ATL1: variants seen among roughly 807,000 people sequenced by gnomAD.
ATL1 encodes atlastin GTPase 1.
A neutral mutation model predicts 75.5 loss-of-function variants in ATL1; 31 were observed. The ratio of observed to expected loss-of-function variants is 0.41; its 90% CI spans 0.31 to 0.55. The LOEUF (loss-of-function observed/expected upper bound fraction) is 0.55, where lower values mean the gene tolerates loss of function less well. Among genes scored for constraint, ATL1 ranks in the 20% least tolerant of loss-of-function variants. The pLI is 0.27. For missense variants in ATL1, 405 were observed against 662.6 expected (o/e 0.61, Z 4.27); for synonymous variants, 226 against 233.3 (o/e 0.97, Z 0.28).
rs557081670 is a variant in ATL1, at chr14:50,606,303, TTTTAAAAGTATA to T, written c.631-6951_631-6940del. Among the ~76,000 whole-genome samples, 158 of 152,128 alleles carry T rather than the reference TTTTAAAAGTATA, an allele frequency of 1.0e-3. 1 individual carries two copies. The highest frequency in any genetic ancestry group is 3.6e-3 in the African/African-American group (149 of 41,530). The stretch of plus-strand genomic sequence containing the variant: ...CATAATGGCCACAGTTATTCTCATT[TTTTAAAAGTATA>T]TTTACTATTATTGATACAAAAATTA... On this transcript the variant is annotated intron_variant, in intron 6 of 13. Transcript: ENST00000358385.
intron 1 of ATL1, among the ~76,000 whole-genome samples, chr14:50,549,475 T>C (rs2038675277): frequency 6.6e-6 from 1 of 152,184 alleles, no homozygotes; most frequent in Admixed American, 6.5e-5. Flanking sequence ...GTCAATTGTA[T>C]TGGTCCTGTG....
At chr14:50,623,341 A>C in intron 11 of ATL1, 93 bp downstream of exon 11, 2 of 970,392 alleles carry the variant, frequency 2.1e-6, no homozygotes, top group Non-Finnish European at 3.2e-6. Context: ...CACTGTACAC[A>C]CATGCAATGA....
rs952431989 is a variant in ATL1, at chr14:50,624,896, CCT to C, written c.1119+1649_1119+1650del. 2.0e-5 allele frequency among the ~76,000 whole-genome samples: 3 copies of C among 151,804 alleles called. 1 individual carries two copies. Among genetic ancestry groups the C allele is most frequent in the African/African-American group, 7.3e-5 (3 of 41,346 alleles). On this transcript the variant is annotated intron_variant, in intron 11 of 13. Transcript: ENST00000358385. Reference sequence around the variant, plus strand: ...ACCAGCCTGGCCAACATGGTGAAACCCTGTCTCTACTAAAAATACAAAAATCA... The same window carrying C: ...ACCAGCCTGGCCAACATGGTGAAACCGTCTCTACTAAAAATACAAAAATCA...
upstream of ATL1, among the ~76,000 whole-genome samples, chr14:50,558,217 G>A (rs900061364): frequency 1.1e-4 from 16 of 152,166 alleles, no homozygotes; most frequent in African/African-American, 3.9e-4. Context: ...AAAACAGCCA[G>A]GCGTGCTGGC....
chr14:50,543,716 C>G (rs1362381474), intron 1 of ATL1, among the ~76,000 whole-genome samples: 1 of 152,142 alleles, frequency 6.6e-6, no homozygotes, highest in African/African-American at 2.4e-5. Flanking sequence ...GTCATCTACT[C>G]AATATTCAGA....
At chr14:50,607,033 C>G (rs1356080352) in intron 6 of ATL1, among the ~76,000 whole-genome samples, 1 of 151,888 alleles carries the variant, frequency 6.6e-6, no homozygotes, top group Admixed American at 6.6e-5. Context: ...TTACAAAATC[C>G]TAGGATAACA....
At chr14:50,630,879 G>A (rs544926277) in intron 13 of ATL1, 23 of 438,116 alleles carry the variant, frequency 5.2e-5, no homozygotes, top group African/African-American at 4.3e-4. Context: ...GAATGCCTTA[G>A]AATCAGAATA....
intron 10 of ATL1, among the ~76,000 whole-genome samples, 190 bp from the exon 11 acceptor site, chr14:50,622,987 T>C (rs2039482413): frequency 6.6e-6 from 1 of 152,196 alleles, no homozygotes; most frequent in South Asian, 2.1e-4. Flanking sequence ...TAAAAATCTG[T>C]TTATGCATTT....
intron 1 of ATL1, among the ~76,000 whole-genome samples, chr14:50,586,720 A>C (rs1289503451): frequency 6.7e-6 from 1 of 148,490 alleles, no homozygotes. Flanking sequence ...TTTTTTTTTT[A>C]TTGTAGTAGA....
intron 11 of ATL1, among the ~76,000 whole-genome samples, chr14:50,626,707 C>A (rs1297841201): frequency 6.6e-6 from 1 of 152,156 alleles, no homozygotes; most frequent in Non-Finnish European, 1.5e-5. Flanking sequence ...AAGATCAAAT[C>A]AGGGAAAGTG....
chr14:50,591,726 A>G, intron 4 of ATL1, 87 bp downstream of exon 4: 2 of 961,506 alleles, frequency 2.1e-6, no homozygotes, highest in Non-Finnish European at 3.3e-6. Flanking sequence ...AATTAGATAA[A>G]CAACAGAAAT....
chr14:50,534,663 A>G (rs1362232818), intron 1 of ATL1, among the ~76,000 whole-genome samples: 1 of 152,268 alleles, frequency 6.6e-6, no homozygotes. Context: ...TAGCATGGAA[A>G]AAGTCAAGAC....
intron 1 of ATL1, among the ~76,000 whole-genome samples, chr14:50,574,112 G>A (rs1333774504): frequency 2.0e-5 from 3 of 152,094 alleles, no homozygotes; most frequent in African/African-American, 7.2e-5. Flanking sequence ...ATTCACCTGG[G>A]ACTGAATATC....
At chr14:50,556,962 A>G (rs2038772445), upstream of ATL1, among the ~76,000 whole-genome samples, 1 of 152,194 alleles carries the variant, frequency 6.6e-6, no homozygotes, top group South Asian at 2.1e-4. Flanking sequence ...ATATTCCTGT[A>G]CAAGTTTTTT....
At chr14:50,613,450 A>G in intron 7 of ATL1, 99 bp downstream of exon 7, 3 of 854,588 alleles carry the variant, frequency 3.5e-6, no homozygotes, top group Non-Finnish European at 5.9e-6. Context: ...ACTAGCCGCA[A>G]TCTCATTTGT....
In ATL1 at chr14:50,630,022, T is replaced by A. The variant is rs780680406; in HGVS notation, c.1566+13T>A. On this transcript the variant is annotated intron_variant, in intron 13 of 13. Coordinates refer to ENST00000358385, the MANE Select transcript of ATL1 (RefSeq NM_015915.5). ...AAGTACAAATGAGGTAAGTTAAATT[T>A]TTTAAAATTCAGAGCTATGTATGTG... 1.1e-5 allele frequency: 17 copies of A among 1,591,252 alleles called. 1 individual carries two copies. In the South Asian group the frequency reaches 1.9e-4, roughly 18 times the overall value.
Position 50,613,016 on chromosome 14 carries a change from TG to T in ATL1, c.631-239del, listed in dbSNP as rs561640870. The stretch of plus-strand genomic sequence containing the variant: ...GGGAGTCATCTCTGTCATCTCTCAG[TG>T]GGGTGCGTTCATGCTGGCATTTTGT... On this transcript the variant is annotated intron_variant, in intron 6 of 13. Transcript: ENST00000358385. Among the ~76,000 whole-genome samples the T allele has an allele frequency of 4.2e-4, 64 of 152,224 alleles. 1 individual carries two copies. The highest frequency in any genetic ancestry group is 5.9e-5 in the Non-Finnish European group (4 of 67,998).
intron 11 of ATL1, among the ~76,000 whole-genome samples, chr14:50,624,332 T>A (rs2039496443): frequency 6.6e-6 from 1 of 152,052 alleles, no homozygotes. Flanking sequence ...TGTGTCACAT[T>A]TTGGTAATTC....
intron 3 of ATL1, 27 bp from the exon 4 acceptor site, chr14:50,591,508 T>C: frequency 6.8e-7 from 1 of 1,461,376 alleles, no homozygotes; most frequent in Non-Finnish European, 9.6e-7. Flanking sequence ...CTATAAAATA[T>C]CAATAATGTA....
Sources: gnomAD v4.1 joint callset for allele counts (sites outside exome capture counted in the v4.1 genomes callset) on GRCh38, gnomAD v4.1.1 for gene constraint, MANE v1.5 for transcripts, NCBI Gene and HGNC (gene_info 2026-07-23, HGNC 2026-07-21) for gene names.